SV2C: variants seen among roughly 807,000 people sequenced by gnomAD.
SV2C encodes the protein synaptic vesicle glycoprotein 2C, also known as solute carrier family 22 member B3.
Under a neutral mutation model 79.7 loss-of-function variants are expected in SV2C, and 49 were observed. That is an observed-to-expected ratio of 0.61 (90% confidence interval 0.49 to 0.78). SV2C has a LOEUF of 0.78. Among genes scored for constraint, SV2C ranks in the 30% least tolerant of loss-of-function variants. The pLI, the probability that SV2C is intolerant of heterozygous loss-of-function variation, is 0.00. For synonymous variants in SV2C, 334 were observed against 333.2 expected, an observed-to-expected ratio of 1.00 and a Z score of -0.03; for missense variants, 833 against 912.9, an observed-to-expected ratio of 0.91 and a Z score of 1.13.
At chr5:75,866,154 T>C in the SV2C span, among the ~76,000 whole-genome samples, 18 of 152,194 alleles carry the variant, frequency 1.2e-4, no homozygotes, top group Non-Finnish European at 2.1e-4. Flanking sequence ...CTTTTACCTA[T>C]TTTTCGTAAC....
the SV2C span, among the ~76,000 whole-genome samples, chr5:75,999,202 C>A: frequency 1.3e-5 from 2 of 151,906 alleles, no homozygotes; most frequent in African/African-American, 4.8e-5. Flanking sequence ...TCCTGCAACA[C>A]GTGGGAATTC....
chr5:76,191,377 A>T (rs1375826036), intron 2 of SV2C, among the ~76,000 whole-genome samples: 3 of 152,202 alleles, frequency 2.0e-5, no homozygotes, highest in African/African-American at 7.2e-5. Context: ...TTTCATTGAA[A>T]ATCAGTTTAT....
At chr5:76,234,023 C>T (rs75689337) in intron 4 of SV2C, among the ~76,000 whole-genome samples, 5 of 152,086 alleles carry the variant, frequency 3.3e-5, no homozygotes, top group African/African-American at 7.2e-5. Context: ...CATGGAGGGA[C>T]AAGCTCTTTT....
intron 6 of SV2C, among the ~76,000 whole-genome samples, chr5:76,286,180 T>G (rs1471525417): frequency 6.6e-6 from 1 of 151,950 alleles, no homozygotes; most frequent in Non-Finnish European, 1.5e-5. Flanking sequence ...ACCCAAGAGA[T>G]GGGGTTAAGG....
At chr5:75,952,637 T>C in the SV2C span, among the ~76,000 whole-genome samples, 1 of 151,724 alleles carries the variant, frequency 6.6e-6, no homozygotes. Context: ...ACCTCCTCCT[T>C]CTCTCTCTTC....
the SV2C span, among the ~76,000 whole-genome samples, chr5:76,057,110 C>T: frequency 5.3e-5 from 8 of 151,940 alleles, no homozygotes; most frequent in East Asian, 1.9e-4. Flanking sequence ...AGATCTTTTC[C>T]GCTTTCTGAT....
intron 2 of SV2C, among the ~76,000 whole-genome samples, chr5:76,169,778 C>T (rs563203748): frequency 1.1e-4 from 17 of 152,100 alleles, no homozygotes; most frequent in African/African-American, 3.4e-4. Flanking sequence ...AGGCAGCCCT[C>T]GAGGAATTAG....
At chr5:75,961,911 T>C in the SV2C span, among the ~76,000 whole-genome samples, 5 of 152,076 alleles carry the variant, frequency 3.3e-5, no homozygotes, top group African/African-American at 1.2e-4. Flanking sequence ...TCAGCACTAC[T>C]GGGATGCAAA....
chr5:76,041,389 A>G, the SV2C span, among the ~76,000 whole-genome samples: 1 of 152,074 alleles, frequency 6.6e-6, no homozygotes, highest in Non-Finnish European at 1.5e-5. Flanking sequence ...CATATCCAAG[A>G]AATTTTGCTA....
intron 4 of SV2C, among the ~76,000 whole-genome samples, chr5:76,212,335 A>G (rs1744789568): frequency 6.6e-6 from 1 of 152,178 alleles, no homozygotes; most frequent in Non-Finnish European, 1.5e-5. Context: ...TGCATATTCA[A>G]ATAAGGGCTG....
At chr5:76,190,749 T>A (rs58324193) in intron 2 of SV2C, among the ~76,000 whole-genome samples, 1 of 152,208 alleles carries the variant, frequency 6.6e-6, no homozygotes, top group African/African-American at 2.4e-5. Flanking sequence ...CAAATGCACC[T>A]ACTTCTTATG....
At chr5:76,282,369 C>A (rs1483229006) in intron 4 of SV2C, among the ~76,000 whole-genome samples, 3 of 152,190 alleles carry the variant, frequency 2.0e-5, no homozygotes, top group Admixed American at 1.3e-4. Flanking sequence ...CCAAAGTCAG[C>A]CACTCATCCA....
intron 1 of SV2C, among the ~76,000 whole-genome samples, 175 bp downstream of exon 1, chr5:76,083,687 A>G (rs759225543): frequency 7.2e-5 from 11 of 152,160 alleles, no homozygotes; most frequent in Non-Finnish European, 1.2e-4. Context: ...GCTGCTTTGT[A>G]GGCGCCTTTG....
the SV2C span, among the ~76,000 whole-genome samples, chr5:75,970,852 C>G: frequency 1.3e-3 from 193 of 152,168 alleles, no homozygotes; most frequent in Non-Finnish European, 2.3e-3. Flanking sequence ...GATACCAAAG[C>G]CTGGCAGAGA....
At chr5:76,032,362 G>A in the SV2C span, among the ~76,000 whole-genome samples, 1 of 152,234 alleles carries the variant, frequency 6.6e-6, no homozygotes, top group East Asian at 1.9e-4. Flanking sequence ...TCGGCATCTA[G>A]CATTAGGTAT....
chr5:76,350,782 G>A (rs576876223), intron 12 of SV2C, among the ~76,000 whole-genome samples: 13 of 152,264 alleles, frequency 8.5e-5, no homozygotes, highest in South Asian at 2.1e-4. Context: ...TTGGGAGGCC[G>A]AGGAAGGTGG....
the SV2C span, among the ~76,000 whole-genome samples, chr5:76,016,254 TAAA>T: frequency 3.2e-4 from 29 of 90,372 alleles, 1 homozygote; most frequent in Admixed American, 2.6e-3. Context: ...TTTAATTTTC[TAAA>T]AAAAAAAAAA....
At chr5:75,952,040 G>C in the SV2C span, among the ~76,000 whole-genome samples, 1 of 151,820 alleles carries the variant, frequency 6.6e-6, no homozygotes, top group African/African-American at 2.4e-5. Flanking sequence ...ATGATAAGCA[G>C]GTAGCCCAAA....
intron 4 of SV2C, among the ~76,000 whole-genome samples, chr5:76,276,525 G>T (rs1470094677): frequency 6.6e-6 from 1 of 151,992 alleles, no homozygotes; most frequent in African/African-American, 2.4e-5. Flanking sequence ...ACGAGGTTTT[G>T]CCACTTTGTG....
Sources: gnomAD v4.1 joint callset for allele counts (sites outside exome capture counted in the v4.1 genomes callset) on GRCh38, gnomAD v4.1.1 for gene constraint, MANE v1.5 for transcripts, NCBI Gene and HGNC (gene_info 2026-07-23, HGNC 2026-07-21) for gene names.